Variants in LAMC3 observed in about 807,000 individuals in gnomAD.
LAMC3 encodes laminin subunit gamma 3, also known as laminin subunit gamma-3.
In LAMC3, 128 loss-of-function variants were observed where a neutral mutation model predicts 173.8. That is an observed-to-expected ratio of 0.74 (90% CI 0.64 to 0.85). The LOEUF (loss-of-function observed/expected upper bound fraction) is 0.85. Ranked by LOEUF, LAMC3 falls within the 40% of genes least tolerant of loss-of-function variation. The pLI is 0.00. For missense variants in LAMC3, 2,022 were observed against 2,156.0 expected (o/e 0.94, Z 1.23); for synonymous variants, 897 against 909.1 (o/e 0.99, Z 0.24).
In LAMC3 at chr9:131,037,352, G is replaced by A. The variant is rs1007347771; in HGVS notation, c.976+1020G>A. On this transcript the variant is annotated intron_variant, in intron 4 of 27. Transcript: ENST00000361069. Reference sequence around the variant, plus strand: ...CCTCACCCGCAGCTGAGACAGCCCCGAGCCCTGAATTCCGCCTCATCCACA... The same window carrying A: ...CCTCACCCGCAGCTGAGACAGCCCCAAGCCCTGAATTCCGCCTCATCCACA... Among the ~76,000 whole-genome samples, 8 of 152,126 alleles carry A rather than the reference G, an allele frequency of 5.3e-5. No homozygotes were observed. The South Asian group carries it at 1.2e-3, about 24-fold the overall frequency.
chr9:131,072,947 T>A, intron 19 of LAMC3, 112 bp downstream of exon 19: 1 of 966,746 alleles, frequency 1.0e-6, no homozygotes, highest in Non-Finnish European at 1.6e-6. Flanking sequence ...TTGGGAGGCT[T>A]AATTTCATCT....
At chr9:131,078,595 C>T (rs1830175666) in intron 22 of LAMC3, among the ~76,000 whole-genome samples, 2 of 152,222 alleles carry the variant, frequency 1.3e-5, no homozygotes, top group Admixed American at 1.3e-4. Context: ...TTGCTCCTCC[C>T]ACTGCGTGCG....
chr9:131,079,940 C>T (rs1413775647), intron 23 of LAMC3, among the ~76,000 whole-genome samples: 1 of 152,166 alleles, frequency 6.6e-6, no homozygotes, highest in African/African-American at 2.4e-5. Context: ...TGCAGAGAAG[C>T]GGCCACTTTC....
At position 131,057,095 on chromosome 9, in the gene LAMC3, C is replaced by T; in HGVS notation, c.2106C>T (p.Ala702=). 6.2e-7 allele frequency: 1 copy of T among 1,614,176 alleles called. No homozygotes were observed. The highest frequency in any genetic ancestry group is 8.5e-7 in the Non-Finnish European group (1 of 1,180,034). Residue 702 remains alanine, a synonymous_variant, in exon 12 of 28, where the codon GCC becomes GCT. Coordinates refer to ENST00000361069, the MANE Select transcript of LAMC3 (RefSeq NM_006059.4). ...AGATGCCACAGGGGGGTCCCTATGC[C>T]AGCTGTGTCCCCTGCACCTGTAACC... The part of the protein sequence containing the change: ...KREMPQGGPY[A]SCVPCTCNQH...
chr9:131,051,414 G>T (rs1199283846), intron 9 of LAMC3, among the ~76,000 whole-genome samples: 1 of 138,876 alleles, frequency 7.2e-6, no homozygotes, highest in Non-Finnish European at 1.5e-5. Context: ...GCCAAGGCTG[G>T]AGTGCATTGG....
rs1834001706 is a variant in LAMC3 at position 131,039,267 on chromosome 9, C to A, written c.1283+19C>A. 2 of 1,577,566 alleles carry A rather than the reference C, an allele frequency of 1.3e-6. No individual in the cohort carries two copies. Among genetic ancestry groups the A allele is most frequent in the East Asian group, 4.5e-5 (2 of 44,790 alleles). ...GCTGCAGGTGAGGGCGAGGGGCGGC[C>A]CAGTATGGACACATTGCACTGAATG... On this transcript the variant is annotated intron_variant, in intron 6 of 27. Transcript: ENST00000361069.
chr9:131,053,620 G>C (rs761299974), intron 11 of LAMC3, among the ~76,000 whole-genome samples: 1 of 152,200 alleles, frequency 6.6e-6, no homozygotes, highest in Non-Finnish European at 1.5e-5. Context: ...GGATCATGAA[G>C]TCGGGAGTTT....
chr9:131,067,047 G>A lies in LAMC3; in HGVS notation c.2435G>A (p.Cys812Tyr), dbSNP rs1564383769. 1.2e-6 allele frequency: 2 copies of A among 1,614,156 alleles called. No homozygotes were observed. Among genetic ancestry groups the A allele is most frequent in the Non-Finnish European group, 8.5e-7 (1 of 1,180,028 alleles). The change falls in exon 14 of 28, where the codon TGT becomes TAT. Residue 812 changes from cysteine (C) to tyrosine (Y), a missense_variant. Transcript: ENST00000361069. ...CCCCAGCCCTGCCACCAGTGCCAGT[G>A]TAGCGGGAACGTGGACCCCAATGCC... ...GHPQPCHQCQ[C>Y]SGNVDPNAVG...
intron 4 of LAMC3, among the ~76,000 whole-genome samples, chr9:131,038,106 C>A (rs555560323): frequency 6.6e-6 from 1 of 152,350 alleles, no homozygotes; most frequent in South Asian, 2.1e-4. Context: ...CCCTTCCCGC[C>A]CCCTCTTCCT....
chr9:131,037,623 AC>A (rs1199096141), intron 4 of LAMC3, among the ~76,000 whole-genome samples: 3 of 151,916 alleles, frequency 2.0e-5, no homozygotes, highest in Non-Finnish European at 4.4e-5. Context: ...TACCTCAGCC[AC>A]TAGAGTAGCT....
At position 131,067,116 on chromosome 9, in the gene LAMC3, T is replaced by C. The variant is rs769549620; in HGVS notation, c.2504T>C (p.Leu835Pro). The C allele has an allele frequency of 5.0e-6, 8 of 1,614,166 alleles. No homozygotes were observed. The South Asian group carries it at 5.5e-5, about 11-fold the overall frequency. ...DPLSGHCLRC[L>P]HNTTGDHCEH... ...CTGTCTGGCCACTGCCTGCGCTGCC[T>C]GCACAACACCACGGGTGACCACTGT... Residue 835 changes from leucine to proline, a missense_variant, in exon 14 of 28, where the codon CTG becomes CCG. Transcript: ENST00000361069.
chr9:131,077,736 C>T (rs371710007), intron 22 of LAMC3, among the ~76,000 whole-genome samples: 10 of 141,658 alleles, frequency 7.1e-5, no homozygotes, highest in African/African-American at 1.6e-4. Flanking sequence ...CTGGAGAAAC[C>T]GGTGGGGCCC....
At chr9:131,049,263 T>C (rs1834237457) in intron 9 of LAMC3, 133 bp downstream of exon 9, 2 of 705,032 alleles carry the variant, frequency 2.8e-6, no homozygotes, top group Admixed American at 2.0e-5. Context: ...CAGAAATAGG[T>C]CTCTCGGAGC....
At chr9:131,024,159 T>TG (rs1833679722) in intron 1 of LAMC3, among the ~76,000 whole-genome samples, 4 of 151,566 alleles carry the variant, frequency 2.6e-5, no homozygotes, top group African/African-American at 9.7e-5. Flanking sequence ...GCTTTTTTTT[T>TG]TTTTTTTAGA....
At chr9:131,084,664 A>G (rs1031165191) in intron 24 of LAMC3, among the ~76,000 whole-genome samples, 6 of 152,142 alleles carry the variant, frequency 3.9e-5, no homozygotes, top group Non-Finnish European at 8.8e-5. Context: ...TGGGAAGCCA[A>G]GGTGGGTGGA....
intron 2 of LAMC3, among the ~76,000 whole-genome samples, chr9:131,031,467 G>A (rs900812311): frequency 9.8e-5 from 15 of 152,328 alleles, no homozygotes; most frequent in Middle Eastern, 3.4e-3. Context: ...TGTCACCTGA[G>A]GCAGGTGACC....
In LAMC3 at chr9:131,072,129, A is replaced by G. The variant is rs942318912; in HGVS notation, c.3212-501A>G. ...GGCAACACAGCAAGACCTTGTTTCT[A>G]TGAATGGAAGCAGGGAGGGAGGGAG... On this transcript the variant is annotated intron_variant, in intron 18 of 27. Transcript: ENST00000361069. Among the ~76,000 whole-genome samples, 9 of 115,630 alleles carry G rather than the reference A, an allele frequency of 7.8e-5. No homozygotes were observed. The South Asian group carries it at 1.7e-3, about 22-fold the overall frequency. The allele number at this position is 115,630 out of a possible 152,430, so 75.9% of individuals were successfully genotyped here.
rs140043745 is a variant in LAMC3, at chr9:131,081,897, A to G, written c.3928-162A>G. Among the ~76,000 whole-genome samples, 789 of 152,332 alleles carry G rather than the reference A, an allele frequency of 5.2e-3. 8 individuals carry two copies. The highest frequency in any genetic ancestry group is 7.7e-3 in the Non-Finnish European group (521 of 68,032). ...GAGACATTCGGAGTTCAACTTTTGT[A>G]TAATAACACAGATCAGGTGCTCCTG... On this transcript the variant is annotated intron_variant, in intron 23 of 27. Transcript: ENST00000361069.
intron 27 of LAMC3, among the ~76,000 whole-genome samples, chr9:131,090,958 C>G (rs1449272945): frequency 6.6e-6 from 1 of 152,142 alleles, no homozygotes; most frequent in South Asian, 2.1e-4. Context: ...GAACCTGAGG[C>G]CACAGTAAGC....
Sources: allele counts gnomAD v4.1 joint callset (sites outside exome capture counted in the v4.1 genomes callset), GRCh38; gene constraint gnomAD v4.1.1; transcripts MANE v1.5; gene names NCBI Gene and HGNC (gene_info 2026-07-23, HGNC 2026-07-21).